The following DOCK10 variants were observed in gnomAD, a reference collection of about 807,000 sequenced individuals.
DOCK10 encodes the protein dedicator of cytokinesis protein 10.
A neutral mutation model predicts 280.1 loss-of-function variants in DOCK10; 145 were observed. The ratio of observed to expected loss-of-function variants is 0.52; its 90% CI spans 0.45 to 0.59. The LOEUF is 0.59. Ranked by LOEUF, DOCK10 falls within the 20% of genes least tolerant of loss-of-function variation. DOCK10 has a pLI of 0.00. For missense variants in DOCK10, 2,368 were observed against 2,651.7 expected (o/e 0.89, Z 2.35); for synonymous variants, 915 against 942.2 (o/e 0.97, Z 0.53).
chr2:225,036,313 A>G (rs1336878380), intron 1 of DOCK10, among the ~76,000 whole-genome samples: 1 of 152,244 alleles, frequency 6.6e-6, no homozygotes, highest in Non-Finnish European at 1.5e-5. Context: ...CCCTAAAGCC[A>G]TTTAACAATG....
At chr2:224,825,006 G>A (rs1314820650) in intron 27 of DOCK10, among the ~76,000 whole-genome samples, 1 of 137,568 alleles carries the variant, frequency 7.3e-6, no homozygotes, top group African/African-American at 2.8e-5. Context: ...TTGAGATGGA[G>A]TTTCGCTCTG....
intron 1 of DOCK10, among the ~76,000 whole-genome samples, chr2:225,023,407 T>C (rs13416025): frequency 0.22 from 34,101 of 151,980 alleles, 4,028 homozygotes; most frequent in Non-Finnish European, 0.23. Context: ...CTCCCAAGTA[T>C]ACACAAAATT....
chr2:224,897,345 T>C (rs1700044772), intron 3 of DOCK10, among the ~76,000 whole-genome samples: 1 of 152,224 alleles, frequency 6.6e-6, no homozygotes, highest in Admixed American at 6.5e-5. Context: ...TAATGTGTAA[T>C]AACCACATCA....
intron 18 of DOCK10, 60 bp from the exon 19 acceptor site, chr2:224,849,659 A>G (rs1696598611): frequency 7.9e-7 from 1 of 1,263,752 alleles, no homozygotes; most frequent in Non-Finnish European, 1.1e-6. Context: ...CTGGGTGAAA[A>G]AAAAGTCCAT....
chr2:225,038,951 T>C lies in DOCK10; in HGVS notation c.123+3301A>G, dbSNP rs143689431. Among the ~76,000 whole-genome samples the C allele has an allele frequency of 3.4e-3, 524 of 152,300 alleles. 5 individuals are homozygous for C. Among genetic ancestry groups the C allele is most frequent in the African/African-American group, 0.012 (512 of 41,568 alleles). ...AAAGTGACAGATCTGATGGGGTGTT[T>C]GCAAAAAGTTTACCTATACTTTTTT... On this transcript the variant is annotated intron_variant, in intron 1 of 55. Coordinates refer to ENST00000258390, the MANE Select transcript of DOCK10 (RefSeq NM_014689.3).
chr2:224,890,295 C>T lies in DOCK10; in HGVS notation c.417-3764G>A, dbSNP rs947677123. On this transcript the variant is annotated intron_variant, in intron 4 of 55. Coordinates refer to ENST00000258390, the MANE Select transcript of DOCK10 (RefSeq NM_014689.3). Reference sequence around the variant, plus strand: ...CAGGCGTCGCATTAATGTAAATTTCCGCAAGATACTTATAAACAAGGAGGA... The same window carrying T: ...CAGGCGTCGCATTAATGTAAATTTCTGCAAGATACTTATAAACAAGGAGGA... Among the ~76,000 whole-genome samples, 7 of 152,094 alleles carry T rather than the reference C, an allele frequency of 4.6e-5. 1 individual carries two copies. Among genetic ancestry groups the T allele is most frequent in the Admixed American group, 3.9e-4 (6 of 15,268 alleles).
At chr2:225,032,007 T>C (rs1482599521) in intron 1 of DOCK10, among the ~76,000 whole-genome samples, 1 of 152,164 alleles carries the variant, frequency 6.6e-6, no homozygotes, top group Non-Finnish European at 1.5e-5. Flanking sequence ...TCTTCACAGG[T>C]GAAATACAAA....
At chr2:224,903,610 A>G (rs1296912257) in intron 3 of DOCK10, among the ~76,000 whole-genome samples, 1 of 152,236 alleles carries the variant, frequency 6.6e-6, no homozygotes, top group African/African-American at 2.4e-5. Context: ...GGATGGTACT[A>G]AAACACCTTG....
At position 224,862,755 on chromosome 2, in the gene DOCK10, A is replaced by C; in HGVS notation, c.1603-9T>G. 6.5e-7 allele frequency: 1 copy of C among 1,546,966 alleles called. No individual in the cohort carries two copies. Among genetic ancestry groups the C allele is most frequent in the South Asian group, 1.2e-5 (1 of 86,218 alleles). ...AGTATCTTTTGTGCATACTAAAGAA[A>C]AAATAAATACAAATATTGTTTAGAA... On this transcript the variant is annotated splice_polypyrimidine_tract_variant and intron_variant, in intron 13 of 55. Transcript: ENST00000258390.
At chr2:224,784,692 G>T (rs1257500708) in intron 50 of DOCK10, 2 of 1,287,294 alleles carry the variant, frequency 1.6e-6, no homozygotes, top group East Asian at 1.1e-4. Context: ...AGTGTGAGGG[G>T]TGTTAGAGCA....
chr2:224,897,936 C>T (rs1018542979), intron 3 of DOCK10, among the ~76,000 whole-genome samples: 26 of 152,202 alleles, frequency 1.7e-4, no homozygotes, highest in African/African-American at 5.5e-4. Flanking sequence ...TTACATGATT[C>T]TGGGGAGTAA....
intron 1 of DOCK10, among the ~76,000 whole-genome samples, chr2:224,987,846 C>T (rs1245402726): frequency 1.3e-5 from 2 of 152,180 alleles, no homozygotes; most frequent in African/African-American, 4.8e-5. Flanking sequence ...TAATTTGATG[C>T]TTGTCCAAAT....
chr2:224,876,154 G>C lies in DOCK10; in HGVS notation c.815C>G (p.Ala272Gly). Reference protein sequence around the residue: ...MNDLTYFVLAAETESDMDEWI... With the variant: ...MNDLTYFVLAGETESDMDEWI... ...TTCATCCATATCTGACTCTGTTTCAGCTGCCAGCACAAAATAGGTCAGATC... is the reference window on the plus strand; with the variant it reads ...TTCATCCATATCTGACTCTGTTTCACCTGCCAGCACAAAATAGGTCAGATC... Residue 272 changes from alanine (A) to glycine (G), a missense_variant, in exon 8 of 56, where the codon GCT becomes GGT. Ala to Gly is a moderately conservative substitution (Grantham distance 60). Coordinates refer to ENST00000258390, the MANE Select transcript of DOCK10 (RefSeq NM_014689.3). 1 of 1,613,862 alleles carries C rather than the reference G, an allele frequency of 6.2e-7. No individual in the cohort carries two copies. The highest frequency in any genetic ancestry group is 8.5e-7 in the Non-Finnish European group (1 of 1,179,840).
chr2:225,012,459 G>A (rs1173170248), intron 1 of DOCK10, among the ~76,000 whole-genome samples: 2 of 152,044 alleles, frequency 1.3e-5, no homozygotes, highest in Admixed American at 6.6e-5. Context: ...AATTCCATCC[G>A]CCTCTACTTT....
At chr2:224,836,434 G>C (rs1695598375) in intron 25 of DOCK10, among the ~76,000 whole-genome samples, 1 of 152,094 alleles carries the variant, frequency 6.6e-6, no homozygotes, top group Non-Finnish European at 1.5e-5. Context: ...GTTTAAAAAG[G>C]GCACATACTC....
At chr2:224,981,618 AC>A (rs1353993490) in intron 1 of DOCK10, among the ~76,000 whole-genome samples, 1 of 152,254 alleles carries the variant, frequency 6.6e-6, no homozygotes, top group East Asian at 1.9e-4. Flanking sequence ...TAAAGCACAG[AC>A]AAAAATGTAA....
chr2:224,802,040 C>A lies in DOCK10; in HGVS notation c.4269G>T (p.Trp1423Cys), dbSNP rs772495687. 1 of 1,607,180 alleles carries A rather than the reference C, an allele frequency of 6.2e-7. No homozygotes were observed. The highest frequency in any genetic ancestry group is 8.5e-7 in the Non-Finnish European group (1 of 1,177,414). ...SCQTSGLLSQ[W>C]MHSTSSHEGH... Reference sequence around the variant, plus strand: ...CTTCATGACTGGAAGTGGAGTGCATCCTGAAAACAAAAAAAGAAAAGTGGT... The same window carrying A: ...CTTCATGACTGGAAGTGGAGTGCATACTGAAAACAAAAAAAGAAAAGTGGT... Residue 1423 changes from tryptophan to cysteine, a missense_variant and splice_region_variant, in exon 40 of 56, where the codon TGG becomes TGT. By Grantham distance (215) the Trp-to-Cys change is radical. Transcript: ENST00000258390.
At chr2:224,830,152 C>T (rs1249508370) in intron 27 of DOCK10, among the ~76,000 whole-genome samples, 1 of 152,218 alleles carries the variant, frequency 6.6e-6, no homozygotes, top group East Asian at 1.9e-4. Context: ...TGCAGGGTTC[C>T]TCTAATGACA....
At chr2:224,923,582 C>T (rs11903593) in intron 2 of DOCK10, among the ~76,000 whole-genome samples, 2,559 of 152,260 alleles carry the variant, frequency 0.017, 69 homozygotes, top group African/African-American at 0.059. Flanking sequence ...TTGCCTGCTG[C>T]GAGGCCTGCA....
Sources: gnomAD v4.1 joint callset for allele counts (sites outside exome capture counted in the v4.1 genomes callset) on GRCh38, gnomAD v4.1.1 for gene constraint, MANE v1.5 for transcripts, NCBI Gene and HGNC (gene_info 2026-07-23, HGNC 2026-07-21) for gene names.